Variants in SUCLG2 observed in about 807,000 individuals in gnomAD.
SUCLG2 encodes succinate--CoA ligase [GDP-forming] subunit beta, mitochondrial.
SUCLG2 carries 42 observed loss-of-function variants against 47.9 expected under a neutral mutation model. That is an observed-to-expected ratio of 0.88 (90% CI 0.69 to 1.14). SUCLG2 has a LOEUF of 1.14. Ranked by LOEUF, SUCLG2 falls within the 50% of genes most tolerant of loss-of-function variation. The probability of loss-of-function intolerance (pLI) is 0.00; values close to 1 mark genes in which losing one functional copy is unlikely to be tolerated. For missense variants in SUCLG2, 571 were observed against 525.9 expected, an observed-to-expected ratio of 1.09 and a Z score of -0.84; for synonymous variants, 195 against 197.3, an observed-to-expected ratio of 0.99 and a Z score of 0.10.
chr3:67,421,841 G>A (rs1411058707), intron 9 of SUCLG2, among the ~76,000 whole-genome samples: 2 of 152,126 alleles, frequency 1.3e-5, no homozygotes, highest in Non-Finnish European at 1.5e-5. Context: ...CAAGAGAACT[G>A]AATTGCATCC....
chr3:67,458,669 G>C (rs1704250432), intron 9 of SUCLG2, among the ~76,000 whole-genome samples: 1 of 152,044 alleles, frequency 6.6e-6, no homozygotes, highest in African/African-American at 2.4e-5. Flanking sequence ...AGGTCGGAGG[G>C]GAAAAAAGCA....
chr3:67,525,847 C>T (rs1373790459), intron 4 of SUCLG2, among the ~76,000 whole-genome samples: 5 of 152,118 alleles, frequency 3.3e-5, no homozygotes, highest in Admixed American at 6.6e-5. Flanking sequence ...TGAATATATA[C>T]GTTATATAGT....
At chr3:67,647,493 C>T (rs1261487881) in intron 1 of SUCLG2, among the ~76,000 whole-genome samples, 1 of 152,218 alleles carries the variant, frequency 6.6e-6, no homozygotes, top group Non-Finnish European at 1.5e-5. Flanking sequence ...CTCCAGCATT[C>T]TTGAAACGCT....
intron 9 of SUCLG2, among the ~76,000 whole-genome samples, chr3:67,405,388 C>A (rs1702780360): frequency 6.6e-6 from 1 of 152,194 alleles, no homozygotes; most frequent in Non-Finnish European, 1.5e-5. Flanking sequence ...TTGACATCAT[C>A]CCCACTGCTC....
intron 2 of SUCLG2, among the ~76,000 whole-genome samples, chr3:67,563,927 T>G (rs1707379873): frequency 7.5e-6 from 1 of 132,500 alleles, no homozygotes. Context: ...GCTGCTGCAC[T>G]CCAGCCTGGA....
At chr3:67,441,213 C>G (rs911216971) in intron 9 of SUCLG2, among the ~76,000 whole-genome samples, 2 of 151,970 alleles carry the variant, frequency 1.3e-5, no homozygotes, top group Non-Finnish European at 2.9e-5. Context: ...ACATCACACA[C>G]TGGGGCCTGT....
At chr3:67,382,722 T>C (rs190403851) in intron 10 of SUCLG2, among the ~76,000 whole-genome samples, 2 of 152,210 alleles carry the variant, frequency 1.3e-5, no homozygotes, top group African/African-American at 4.8e-5. Flanking sequence ...AGTGGCTGTT[T>C]GCGCTTTGCA....
intron 10 of SUCLG2, among the ~76,000 whole-genome samples, chr3:67,376,776 C>A (rs1463043994): frequency 6.6e-6 from 1 of 152,154 alleles, no homozygotes; most frequent in Admixed American, 6.5e-5. Flanking sequence ...GACCCTGGGT[C>A]TACCCAAGCA....
chr3:67,388,969 G>T (rs1207022997), intron 10 of SUCLG2, among the ~76,000 whole-genome samples: 1 of 152,014 alleles, frequency 6.6e-6, no homozygotes, highest in Non-Finnish European at 1.5e-5. Context: ...GTTGGTATTG[G>T]GGTCGTAACA....
chr3:67,653,387 T>C (rs544406457), intron 1 of SUCLG2, among the ~76,000 whole-genome samples: 22 of 152,326 alleles, frequency 1.4e-4, no homozygotes, highest in Admixed American at 6.5e-4. Flanking sequence ...TAGTAAGTAT[T>C]AGCACCTTTT....
At chr3:67,433,030 T>C (rs1013342543) in intron 9 of SUCLG2, among the ~76,000 whole-genome samples, 1 of 152,204 alleles carries the variant, frequency 6.6e-6, no homozygotes, top group Non-Finnish European at 1.5e-5. Context: ...TGAGATGGTA[T>C]CTTGTTATGC....
chr3:67,494,176 G>A (rs1351763635), intron 9 of SUCLG2, among the ~76,000 whole-genome samples: 1 of 152,132 alleles, frequency 6.6e-6, no homozygotes, highest in African/African-American at 2.4e-5. Flanking sequence ...TTATTAATGG[G>A]AAGCTTCCAT....
rs149456853 is a variant in SUCLG2 at position 67,459,642 on chromosome 3, C to T, written c.1062+36156G>A. Among the ~76,000 whole-genome samples, 430 of 152,276 alleles carry T rather than the reference C, an allele frequency of 2.8e-3. 6 individuals carry two copies. The highest frequency in any genetic ancestry group is 9.7e-3 in the African/African-American group (403 of 41,554). The stretch of plus-strand genomic sequence containing the variant: ...TGAGAGAAAGTATGCCAAAGCTCTT[C>T]GCACCAAGACTAAATAAATTAGTTG... On this transcript the variant is annotated intron_variant, in intron 9 of 10. Transcript: ENST00000307227.
chr3:67,477,746 C>T (rs994985656), intron 9 of SUCLG2, among the ~76,000 whole-genome samples: 1 of 152,150 alleles, frequency 6.6e-6, no homozygotes, highest in Non-Finnish European at 1.5e-5. Flanking sequence ...TGACCCACGA[C>T]ACTGTATGCT....
chr3:67,541,912 A>G (rs1706723585), intron 2 of SUCLG2, among the ~76,000 whole-genome samples: 1 of 150,660 alleles, frequency 6.6e-6, no homozygotes, highest in African/African-American at 2.4e-5. Flanking sequence ...CTTGTTGCCC[A>G]GGCTGGAGTG....
intron 9 of SUCLG2, among the ~76,000 whole-genome samples, chr3:67,435,056 A>C (rs1703583026): frequency 6.6e-6 from 1 of 152,148 alleles, no homozygotes; most frequent in Non-Finnish European, 1.5e-5. Flanking sequence ...TTCTGCACTC[A>C]CTTGCTTTCT....
rs1035140290 is a variant in SUCLG2 at position 67,508,908 on chromosome 3, A to G, written c.661-5T>C. 5 of 1,592,252 alleles carry G rather than the reference A, an allele frequency of 3.1e-6. No homozygotes were observed. Among genetic ancestry groups the G allele is most frequent in the Non-Finnish European group, 4.3e-6 (5 of 1,169,966 alleles). ...CTTCGTAATTTGATCTGCAGCCTAAATGTGATCAAGTGAAATAGAATTACA... is the reference window on the plus strand; with the variant it reads ...CTTCGTAATTTGATCTGCAGCCTAAGTGTGATCAAGTGAAATAGAATTACA... On this transcript the variant is annotated splice_polypyrimidine_tract_variant and splice_region_variant and intron_variant, in intron 6 of 10. Transcript: ENST00000307227.
Position 67,579,480 on chromosome 3 carries a change from C to G in SUCLG2, c.226+29975G>C, listed in dbSNP as rs1575792492. Among the ~76,000 whole-genome samples the G allele has an allele frequency of 1.3e-5, 2 of 152,180 alleles. 1 individual carries two copies. The highest frequency in any genetic ancestry group is 4.1e-4 in the South Asian group (2 of 4,824). ...TTATTGCCCATCATTTTTTAAAAAT[C>G]TTATTACTCAGACTACGTGCAATAT... On this transcript the variant is annotated intron_variant, in intron 2 of 10. Coordinates refer to ENST00000307227, the MANE Select transcript of SUCLG2 (RefSeq NM_003848.4).
At chr3:67,535,037 G>T (rs1020805238) in intron 2 of SUCLG2, among the ~76,000 whole-genome samples, 10 of 152,092 alleles carry the variant, frequency 6.6e-5, no homozygotes, top group Non-Finnish European at 1.0e-4. Flanking sequence ...AAATACCTGT[G>T]TAACACTTGT....
Sources: gnomAD v4.1 joint callset for allele counts (sites outside exome capture counted in the v4.1 genomes callset) on GRCh38, gnomAD v4.1.1 for gene constraint, MANE v1.5 for transcripts, NCBI Gene and HGNC (gene_info 2026-07-23, HGNC 2026-07-21) for gene names.